The following CCDC28A variants were observed in gnomAD, a reference collection of about 807,000 sequenced individuals.
CCDC28A encodes coiled-coil domain-containing protein 28A.
In CCDC28A, 24 loss-of-function variants were observed where a neutral mutation model predicts 22.1. That is an observed-to-expected ratio of 1.09 (90% CI 0.79 to 1.53). The LOEUF is 1.53. Among genes scored for constraint, CCDC28A ranks in the 40% most tolerant of loss-of-function variants. CCDC28A has a pLI of 0.00. For synonymous variants in CCDC28A, 83 were observed against 74.7 expected (o/e 1.11, Z -0.57); for missense variants, 170 against 210.7 (o/e 0.81, Z 1.20).
chr6:138,785,033 T>C (rs750843659), intron 3 of CCDC28A, among the ~76,000 whole-genome samples, 194 bp from the exon 4 acceptor site: 11 of 152,202 alleles, frequency 7.2e-5, no homozygotes, highest in Non-Finnish European at 1.2e-4. Flanking sequence ...CCCAAGGTCA[T>C]TTCTTAAGTG....
chr6:138,777,218 G>T (rs1292265927), intron 2 of CCDC28A, among the ~76,000 whole-genome samples: 1 of 152,164 alleles, frequency 6.6e-6, no homozygotes, highest in Non-Finnish European at 1.5e-5. Context: ...TAGCCGCTGG[G>T]TTTACACCTA....
chr6:138,779,700 G>T, intron 2 of CCDC28A, 122 bp from the exon 3 acceptor site: 3 of 609,046 alleles, frequency 4.9e-6, no homozygotes, highest in Admixed American at 3.9e-5. Context: ...TTCTGGTTTT[G>T]TTTAGTATTG....
intron 1 of CCDC28A, among the ~76,000 whole-genome samples, chr6:138,774,893 A>C (rs1471313735): frequency 1.3e-4 from 20 of 152,274 alleles, no homozygotes; most frequent in African/African-American, 2.4e-5. Flanking sequence ...AATGAAGTTA[A>C]GAAAAATTTA....
chr6:138,785,248 A>C lies in CCDC28A; in HGVS notation c.344A>C (p.Gln115Pro), dbSNP rs1775074586. ...CAAGGAAATGAATGTTCCATTGAAC[A>C]GATGGAACATGTTCGGGGAATGCAG... The part of the protein sequence containing the change: ...QAFGNECSIE[Q>P]MEHVRGMQEK... Residue 115 changes from glutamine (Q) to proline (P), a missense_variant, in exon 4 of 6, where the codon CAG (glutamine) becomes CCG (proline). By Grantham distance (76) the Gln-to-Pro change is moderately conservative. Coordinates refer to ENST00000617445, the MANE Select transcript of CCDC28A (RefSeq NM_015439.3). The C allele has an allele frequency of 6.2e-7, 1 of 1,612,738 alleles. No individual in the cohort carries two copies. The highest frequency in any genetic ancestry group is 8.5e-7 in the Non-Finnish European group (1 of 1,178,790).
Position 138,776,223 on chromosome 6 carries a change from A to C in CCDC28A, c.103A>C (p.Thr35Pro). Residue 35 changes from threonine (T) to proline (P), a missense_variant, in exon 2 of 6, where the codon ACA becomes CCA. Transcript: ENST00000617445. Reference sequence around the variant, plus strand: ...AAATGCCATTCCAGTGAGTAAAAGCACAGGGTTTTCAAATCCTGCATCACA... The same window carrying C: ...AAATGCCATTCCAGTGAGTAAAAGCCCAGGGTTTTCAAATCCTGCATCACA... ...KKNAIPVSKS[T>P]GFSNPASQST... 3 of 1,614,176 alleles carry C rather than the reference A, an allele frequency of 1.9e-6. No homozygotes were observed. The South Asian group carries it at 3.3e-5, about 18-fold the overall frequency.
At chr6:138,786,858 C>T (rs937710186) in intron 4 of CCDC28A, among the ~76,000 whole-genome samples, 4 of 152,164 alleles carry the variant, frequency 2.6e-5, no homozygotes, top group Non-Finnish European at 4.4e-5. Context: ...TCAAGTGATC[C>T]GCCCACCCTG....
At chr6:138,785,484 G>A (rs927243719) in intron 4 of CCDC28A, 103 bp downstream of exon 4, 17 of 801,938 alleles carry the variant, frequency 2.1e-5, no homozygotes, top group Non-Finnish European at 3.0e-5. Flanking sequence ...GGTTGCTAGC[G>A]TATTCACAGT....
At chr6:138,790,736 G>T (rs1775158714) in intron 5 of CCDC28A, among the ~76,000 whole-genome samples, 2 of 152,152 alleles carry the variant, frequency 1.3e-5, no homozygotes, top group South Asian at 4.1e-4. Context: ...CAGTCTCCAA[G>T]AATATTTTTA....
chr6:138,784,345 CTCTT>C (rs72255728), intron 3 of CCDC28A, among the ~76,000 whole-genome samples: 34,682 of 138,092 alleles, frequency 0.25, 5,075 homozygotes, highest in East Asian at 0.62. Flanking sequence ...ATTTTCTTTT[CTCTT>C]TTTCTTTTTT....
chr6:138,792,007 G>A (rs2128363656), intron 5 of CCDC28A, among the ~76,000 whole-genome samples: 1 of 152,322 alleles, frequency 6.6e-6, no homozygotes, highest in Admixed American at 6.5e-5. Flanking sequence ...TAAGGGATGA[G>A]TAATTCATGC....
intron 3 of CCDC28A, 26 bp downstream of exon 3, chr6:138,780,011 T>A: frequency 6.5e-7 from 1 of 1,548,712 alleles, no homozygotes; most frequent in Non-Finnish European, 8.8e-7. Context: ...TTCTGTATTA[T>A]TTTTTTCTCT....
At chr6:138,780,469 G>T (rs565874853) in intron 3 of CCDC28A, among the ~76,000 whole-genome samples, 1 of 152,028 alleles carries the variant, frequency 6.6e-6, no homozygotes, top group Non-Finnish European at 1.5e-5. Context: ...ATTCTGAATA[G>T]GTATTTTTTC....
chr6:138,777,163 A>T (rs989027458), intron 2 of CCDC28A, among the ~76,000 whole-genome samples: 1 of 152,226 alleles, frequency 6.6e-6, no homozygotes, highest in Non-Finnish European at 1.5e-5. Context: ...CTCACATCCA[A>T]TCTCACCCTG....
At chr6:138,782,700 G>C (rs1775038169) in intron 3 of CCDC28A, among the ~76,000 whole-genome samples, 1 of 152,068 alleles carries the variant, frequency 6.6e-6, no homozygotes, top group Non-Finnish European at 1.5e-5. Flanking sequence ...TGAAAAACAT[G>C]ACTAAAATAG....
intron 3 of CCDC28A, among the ~76,000 whole-genome samples, chr6:138,783,202 A>T (rs1451878034): frequency 1.3e-5 from 2 of 151,094 alleles, no homozygotes; most frequent in South Asian, 4.2e-4. Flanking sequence ...ATTTTTATTT[A>T]TATTTCTTAA....
chr6:138,788,568 C>CTTTTTTTTTTTTTTTTTTTT lies in CCDC28A; in HGVS notation c.500+184_500+203dup, dbSNP rs3070099. ...TTCTTTTCTTTCTCTTTTTTCTTTT[C>CTTTTTTTTTTTTTTTTTTTT]TTTTTTTTTTTTTTTTTTTTTTTCA... On this transcript the variant is annotated intron_variant, in intron 5 of 5. Coordinates refer to ENST00000617445, the MANE Select transcript of CCDC28A (RefSeq NM_015439.3). Among the ~76,000 whole-genome samples, 22 of 92,982 alleles carry CTTTTTTTTTTTTTTTTTTTT rather than the reference C, an allele frequency of 2.4e-4. 3 individuals carry two copies. Among genetic ancestry groups the CTTTTTTTTTTTTTTTTTTTT allele is most frequent in the South Asian group, 5.6e-4 (2 of 3,548 alleles). The allele number at this position is 92,982 out of a possible 152,430, so 61.0% of individuals were successfully genotyped here.
At chr6:138,777,343 A>G (rs1301289595) in intron 2 of CCDC28A, among the ~76,000 whole-genome samples, 1 of 152,238 alleles carries the variant, frequency 6.6e-6, no homozygotes, top group African/African-American at 2.4e-5. Flanking sequence ...CAAATGATAA[A>G]CAGCAGTTTT....
intron 5 of CCDC28A, among the ~76,000 whole-genome samples, chr6:138,790,882 C>T (rs767242740): frequency 2.0e-5 from 3 of 152,174 alleles, no homozygotes; most frequent in Non-Finnish European, 2.9e-5. Flanking sequence ...ATCAGTTCTG[C>T]TTTTATTCTT....
intron 5 of CCDC28A, among the ~76,000 whole-genome samples, chr6:138,790,509 T>G (rs997583261): frequency 6.6e-6 from 1 of 152,224 alleles, no homozygotes; most frequent in Non-Finnish European, 1.5e-5. Context: ...TTTACCACTT[T>G]CTGTGACTTA....
Sources: allele counts gnomAD v4.1 joint callset (sites outside exome capture counted in the v4.1 genomes callset), GRCh38; gene constraint gnomAD v4.1.1; transcripts MANE v1.5; gene names NCBI Gene and HGNC (gene_info 2026-07-23, HGNC 2026-07-21).